Variants in RNF150 observed in about 807,000 individuals in gnomAD.
RNF150 encodes ring finger protein 150.
Under a neutral mutation model 39.3 loss-of-function variants are expected in RNF150, and 24 were observed. The ratio of observed to expected loss-of-function variants is 0.61; its 90% CI spans 0.44 to 0.86. RNF150 has a LOEUF of 0.86. RNF150 is among the 40% of genes least tolerant of loss of function. The pLI, the probability that RNF150 is intolerant of heterozygous loss-of-function variation, is 0.00. For missense variants in RNF150, 502 were observed against 587.8 expected (o/e 0.85, Z 1.51); for synonymous variants, 255 against 227.3 (o/e 1.12, Z -1.10).
chr4:141,120,211 A>G (rs1464922786), intron 1 of RNF150, among the ~76,000 whole-genome samples: 1 of 152,226 alleles, frequency 6.6e-6, no homozygotes, highest in East Asian at 1.9e-4. Flanking sequence ...AATTTCTAGT[A>G]GTGATAAGAT....
intron 1 of RNF150, among the ~76,000 whole-genome samples, chr4:141,040,873 A>G (rs1049348943): frequency 2.1e-4 from 32 of 152,196 alleles, no homozygotes; most frequent in African/African-American, 7.5e-4. Flanking sequence ...TACAAAATTC[A>G]AATATACTTT....
upstream of RNF150, among the ~76,000 whole-genome samples, chr4:141,137,992 C>T (rs868018652): frequency 2.0e-5 from 3 of 152,108 alleles, no homozygotes; most frequent in African/African-American, 7.2e-5. Context: ...ATACAGCATA[C>T]GTTTCTGAGA....
chr4:141,091,635 G>GGGGGATCAA (rs1738584868), intron 1 of RNF150, among the ~76,000 whole-genome samples: 1 of 152,172 alleles, frequency 6.6e-6, no homozygotes, highest in Admixed American at 6.5e-5. Flanking sequence ...GTACACAGGA[G>GGGGGATCAA]GGGGATCAAG....
chr4:141,027,952 T>TTTTTTTTTTTTTTTTTTTTTG lies in RNF150; in HGVS notation c.485-60080_485-60079insCAAAAAAAAAAAAAAAAAAAA, dbSNP rs1553938684. On this transcript the variant is annotated intron_variant, in intron 1 of 6. Coordinates refer to ENST00000515673, the MANE Select transcript of RNF150 (RefSeq NM_020724.2). ...TTTTTTTTTTTTTTTTTTTTTTTTT[T>TTTTTTTTTTTTTTTTTTTTTG]CAATCCTGCTGGATCAAGATGTATA... 1.4e-4 allele frequency among the ~76,000 whole-genome samples: 10 copies of TTTTTTTTTTTTTTTTTTTTTG among 71,618 alleles called. 1 individual carries two copies. The highest frequency in any genetic ancestry group is 2.0e-4 in the Non-Finnish European group (7 of 34,328). 47.0% of individuals were successfully genotyped at this position (71,618 alleles called of 152,430 possible).
intron 1 of RNF150, among the ~76,000 whole-genome samples, chr4:141,054,392 G>T (rs1736890815): frequency 6.6e-6 from 1 of 152,120 alleles, no homozygotes. Flanking sequence ...AAGAGAATGA[G>T]AAGACAAATA....
chr4:140,899,475 A>C (rs1220827896), intron 6 of RNF150, among the ~76,000 whole-genome samples: 2 of 152,194 alleles, frequency 1.3e-5, no homozygotes, highest in Non-Finnish European at 2.9e-5. Flanking sequence ...ATTCCTAGAC[A>C]TCTAATTCTA....
At chr4:140,964,988 TA>T (rs1169609893) in intron 2 of RNF150, among the ~76,000 whole-genome samples, 1 of 151,988 alleles carries the variant, frequency 6.6e-6, no homozygotes, top group African/African-American at 2.4e-5. Context: ...ATGCCAGTTA[TA>T]AAAATGGTAG....
intron 2 of RNF150, among the ~76,000 whole-genome samples, chr4:140,955,286 C>G (rs1032703400): frequency 1.3e-5 from 2 of 152,090 alleles, no homozygotes; most frequent in African/African-American, 2.4e-5. Flanking sequence ...TAGAGTGGTG[C>G]CATAAATCTG....
At chr4:140,962,218 T>A (rs944921465) in intron 2 of RNF150, among the ~76,000 whole-genome samples, 1 of 151,934 alleles carries the variant, frequency 6.6e-6, no homozygotes, top group Non-Finnish European at 1.5e-5. Context: ...GTTTGCAAAC[T>A]TTTCTCCATT....
At chr4:141,190,301 A>T (rs1228019273) in intron 1 of RNF150, among the ~76,000 whole-genome samples, 1 of 152,156 alleles carries the variant, frequency 6.6e-6, no homozygotes, top group Admixed American at 6.5e-5. Flanking sequence ...CAATCAGTCG[A>T]TTTTAAGTTT....
chr4:141,178,609 T>C (rs2111184287), intron 1 of RNF150, among the ~76,000 whole-genome samples: 1 of 152,250 alleles, frequency 6.6e-6, no homozygotes, highest in Admixed American at 6.5e-5. Context: ...ATACTGTCTT[T>C]AGCTTAAAGA....
intron 5 of RNF150, among the ~76,000 whole-genome samples, chr4:140,914,670 T>G (rs1169528259): frequency 6.6e-6 from 1 of 152,216 alleles, no homozygotes; most frequent in Admixed American, 6.5e-5. Flanking sequence ...GACCTACACC[T>G]GACTGGATAG....
chr4:140,943,586 T>C (rs984342748), intron 4 of RNF150, among the ~76,000 whole-genome samples: 2 of 152,326 alleles, frequency 1.3e-5, no homozygotes, highest in Admixed American at 1.3e-4. Flanking sequence ...ATACATTGTG[T>C]TATTATTGTT....
intron 1 of RNF150, among the ~76,000 whole-genome samples, chr4:141,068,071 G>A (rs1350719139): frequency 6.6e-6 from 1 of 151,858 alleles, no homozygotes; most frequent in Non-Finnish European, 1.5e-5. Context: ...TCAGTCTCCT[G>A]AGTAGCTGGG....
intron 6 of RNF150, among the ~76,000 whole-genome samples, chr4:140,880,747 A>G (rs1729343607): frequency 6.6e-6 from 1 of 151,988 alleles, no homozygotes; most frequent in Admixed American, 6.6e-5. Flanking sequence ...CTATTTCTTC[A>G]TGATTCAGTC....
chr4:141,211,306 G>A (rs1022408504), intron 1 of RNF150, among the ~76,000 whole-genome samples: 1 of 152,066 alleles, frequency 6.6e-6, no homozygotes, highest in Non-Finnish European at 1.5e-5. Context: ...CTTTATTGTG[G>A]TTAATTACAG....
chr4:141,076,557 C>T (rs1737901856), intron 1 of RNF150, among the ~76,000 whole-genome samples: 1 of 151,568 alleles, frequency 6.6e-6, no homozygotes, highest in African/African-American at 2.4e-5. Context: ...TACTGTTCTT[C>T]ATCTAGTATT....
At chr4:140,944,266 A>G (rs2111364506) in intron 4 of RNF150, among the ~76,000 whole-genome samples, 1 of 152,324 alleles carries the variant, frequency 6.6e-6, no homozygotes, top group South Asian at 2.1e-4. Flanking sequence ...ATTTTGGCAT[A>G]CGTATGAGGT....
At chr4:141,095,350 G>A (rs1039232253) in intron 1 of RNF150, among the ~76,000 whole-genome samples, 52 of 152,270 alleles carry the variant, frequency 3.4e-4, no homozygotes, top group African/African-American at 1.3e-3. Context: ...AAGGCCCTAT[G>A]TAGAGAAAGG....
Sources: gnomAD v4.1 joint callset for allele counts (sites outside exome capture counted in the v4.1 genomes callset) on GRCh38, gnomAD v4.1.1 for gene constraint, MANE v1.5 for transcripts, NCBI Gene and HGNC (gene_info 2026-07-23, HGNC 2026-07-21) for gene names.